PSMB3: variants seen among roughly 807,000 people sequenced by gnomAD.
PSMB3 encodes the protein proteasome 20S subunit beta 3.
PSMB3 carries 5 observed loss-of-function variants against 23.3 expected under a neutral mutation model. The ratio of observed to expected loss-of-function variants is 0.21; its 90% CI spans 0.11 to 0.45. The LOEUF (loss-of-function observed/expected upper bound fraction) is 0.45, where lower values mean the gene tolerates loss of function less well. Ranked by LOEUF, PSMB3 falls within the 20% of genes least tolerant of loss-of-function variation. PSMB3 has a pLI of 0.99. For missense variants in PSMB3, 192 were observed against 277.9 expected (o/e 0.69, Z 2.20); for synonymous variants, 85 against 99.8 (o/e 0.85, Z 0.88).
At chr17:38,758,362 G>T (rs962816325) in intron 3 of PSMB3, among the ~76,000 whole-genome samples, 37 of 150,178 alleles carry the variant, frequency 2.5e-4, no homozygotes, top group African/African-American at 8.8e-4. Flanking sequence ...TTATTTTTTT[G>T]AGAGTTTCAC....
chr17:38,764,164 C>G lies in PSMB3; in HGVS notation c.615C>G (p.Asp205Glu). The stretch of plus-strand genomic sequence containing the variant: ...CCAGGACACTGAAGGCCCGAATGGA[C>G]TAACCCTGTTCCCAGAGCCCACTTT... Reference protein sequence around the residue: ...ITTRTLKARMD With the variant: ...ITTRTLKARME The change falls in exon 6 of 6, where the codon GAC becomes GAG. Residue 205 changes from aspartate (D) to glutamate (E), a missense_variant. Asp to Glu is a conservative substitution (Grantham distance 45). Coordinates refer to ENST00000619426, the MANE Select transcript of PSMB3 (RefSeq NM_002795.4). 6.2e-7 allele frequency: 1 copy of G among 1,614,150 alleles called. No homozygotes were observed. Among genetic ancestry groups the G allele is most frequent in the Non-Finnish European group, 8.5e-7 (1 of 1,179,990 alleles).
chr17:38,759,980 C>T (rs1399559911), intron 3 of PSMB3, among the ~76,000 whole-genome samples: 3 of 152,128 alleles, frequency 2.0e-5, no homozygotes, highest in South Asian at 4.1e-4. Flanking sequence ...CAAAACAAAA[C>T]TTTGTGTTCA....
At chr17:38,755,813 T>A in intron 2 of PSMB3, 70 bp from the exon 3 acceptor site, 1 of 1,343,270 alleles carries the variant, frequency 7.4e-7, no homozygotes, top group South Asian at 1.2e-5. Flanking sequence ...TATGTTTCCC[T>A]GACCTCAACA....
At chr17:38,760,683 G>A in intron 4 of PSMB3, 75 bp downstream of exon 4, 1 of 1,541,150 alleles carries the variant, frequency 6.5e-7, no homozygotes, top group Non-Finnish European at 8.9e-7. Context: ...GTGTGTTTAT[G>A]TGGCAGGTAA....
chr17:38,763,981 C>A, intron 5 of PSMB3, 138 bp from the exon 6 acceptor site: 1 of 872,248 alleles, frequency 1.1e-6, no homozygotes, highest in Non-Finnish European at 1.8e-6. Context: ...GATAGTTACA[C>A]CTAGAGGCAG....
chr17:38,762,263 G>T (rs1253298303), intron 4 of PSMB3, 148 bp from the exon 5 acceptor site: 6 of 658,500 alleles, frequency 9.1e-6, no homozygotes, highest in Non-Finnish European at 1.6e-5. Context: ...GCTGAGAGGG[G>T]CTTCCCACAT....
At position 38,752,957 on chromosome 17, in the gene PSMB3, G is replaced by C; in HGVS notation, c.3+128G>C. The C allele has an allele frequency of 7.1e-7, 1 of 1,412,242 alleles. No homozygotes were observed. Among genetic ancestry groups the C allele is most frequent in the Non-Finnish European group, 9.7e-7 (1 of 1,026,280 alleles). The allele number at this position is 1,412,242 out of a possible 1,614,324, so 87.5% of individuals were successfully genotyped here. A position where few individuals can be genotyped will look rare whatever the true frequency, so the allele number is the denominator to read the frequency against. On this transcript the variant is annotated intron_variant, in intron 1 of 5. Transcript: ENST00000619426. This position sits in a 1 kb window ranked among gnomAD's most constrained non-coding sequence, Gnocchi z 5.5. ...AGCGGTTTCAGTTCGAGGGGAGCGG[G>C]CCCCGGTGAGGACCAAGAGGGTGAG...
At chr17:38,753,119 C>A (rs548827990) in intron 1 of PSMB3, 31 bp from the exon 2 acceptor site, 3 of 1,577,832 alleles carry the variant, frequency 1.9e-6, no homozygotes, top group Admixed American at 1.8e-5. Context: ...TTTGACCCCC[C>A]GCGCTGACCC....
chr17:38,755,080 TCCTC>T (rs1908097672), intron 2 of PSMB3, among the ~76,000 whole-genome samples: 1 of 151,286 alleles, frequency 6.6e-6, no homozygotes, highest in African/African-American at 2.4e-5. Context: ...GCTCAAGTGA[TCCTC>T]CCACCTCACC....
chr17:38,756,599 G>C (rs965634464), intron 3 of PSMB3, among the ~76,000 whole-genome samples: 1 of 151,800 alleles, frequency 6.6e-6, no homozygotes, highest in Non-Finnish European at 1.5e-5. Context: ...AGGTTCAATC[G>C]ATTCTTCTGC....
rs376311120 is a variant in PSMB3 at position 38,753,287 on chromosome 17, C to T, written c.141C>T (p.Asp47=). Residue 47 remains aspartate, a synonymous_variant, in exon 2 of 6, where the codon GAC becomes GAT. Transcript: ENST00000619426. ...TDFQKIFPMG[D]RLYIGLAGLA... is the part of the protein sequence containing the mutation. ...TCCAGAAGATCTTTCCCATGGGTGACCGGCTGTACATCGGTCTGGCCGGGC... is the reference window on the plus strand; with the variant it reads ...TCCAGAAGATCTTTCCCATGGGTGATCGGCTGTACATCGGTCTGGCCGGGC... 2.6e-5 allele frequency: 42 copies of T among 1,614,126 alleles called. No individual in the cohort carries two copies. In the African/African-American group the frequency reaches 3.5e-4, roughly 13 times the overall value.
At chr17:38,753,493 T>G (rs1908028920) in intron 2 of PSMB3, among the ~76,000 whole-genome samples, 159 bp downstream of exon 2, 1 of 152,016 alleles carries the variant, frequency 6.6e-6, no homozygotes, top group East Asian at 1.9e-4. Context: ...CTTTTTTTTT[T>G]TTTTAGACAG....
chr17:38,755,676 A>G (rs898945617), intron 2 of PSMB3, among the ~76,000 whole-genome samples: 14,034 of 106,616 alleles, frequency 0.13, 941 homozygotes, highest in Admixed American at 0.18. Flanking sequence ...ATATATATAT[A>G]TATATATGTG....
At chr17:38,763,497 CTTTTTTTTT>C (rs67563765) in intron 5 of PSMB3, among the ~76,000 whole-genome samples, 3 of 76,032 alleles carry the variant, frequency 3.9e-5, no homozygotes, top group East Asian at 9.6e-4. Flanking sequence ...CTTCTTCCCC[CTTTTTTTTT>C]TTTTTTTTTT....
intron 5 of PSMB3, among the ~76,000 whole-genome samples, 154 bp from the exon 6 acceptor site, chr17:38,763,965 G>A (rs557253603): frequency 6.6e-6 from 1 of 152,212 alleles, no homozygotes; most frequent in African/African-American, 2.4e-5. Context: ...GAATGAACTA[G>A]AGCAGGATAG....
intron 3 of PSMB3, among the ~76,000 whole-genome samples, chr17:38,759,348 C>T (rs569487555): frequency 6.6e-6 from 1 of 152,092 alleles, no homozygotes; most frequent in South Asian, 2.1e-4. Context: ...TTGTCACTGC[C>T]CAGCATCAGG....
At chr17:38,760,760 TC>T in intron 4 of PSMB3, 152 bp downstream of exon 4, 1 of 944,532 alleles carries the variant, frequency 1.1e-6, no homozygotes, top group Non-Finnish European at 1.6e-6. Flanking sequence ...ATCCAGAAAT[TC>T]CATCTGCCAG....
chr17:38,755,666 A>ATGTGTGTG (rs1908146960), intron 2 of PSMB3, among the ~76,000 whole-genome samples: 1 of 49,494 alleles, frequency 2.0e-5, no homozygotes, highest in Non-Finnish European at 4.7e-5. Flanking sequence ...AAAAATATAT[A>ATGTGTGTG]TATATATATA....
chr17:38,758,652 G>A (rs1336914319), intron 3 of PSMB3, among the ~76,000 whole-genome samples: 2 of 152,154 alleles, frequency 1.3e-5, no homozygotes, highest in African/African-American at 4.8e-5. Flanking sequence ...GCCTAAAAAA[G>A]TTATTTTCAT....
Sources: gnomAD v4.1 joint callset for allele counts (sites outside exome capture counted in the v4.1 genomes callset) on GRCh38, gnomAD v4.1.1 for gene constraint, Gnocchi (gnomAD v3.1) non-coding constraint, MANE v1.5 for transcripts, NCBI Gene and HGNC (gene_info 2026-07-23, HGNC 2026-07-21) for gene names.